Variants in SERPINB5 observed in about 807,000 individuals in gnomAD.
SERPINB5 encodes serpin family B member 5, also known as serpin B5.
SERPINB5 carries 27 observed loss-of-function variants against 32.2 expected under a neutral mutation model. The observed-to-expected ratio is 0.84, with a 90% confidence interval of 0.62 to 1.16. The LOEUF is 1.16. Ranked by LOEUF, SERPINB5 falls within the 50% of genes most tolerant of loss-of-function variation. SERPINB5 has a pLI of 0.00. For missense variants in SERPINB5, 388 were observed against 436.3 expected (o/e 0.89, Z 0.99); for synonymous variants, 154 against 157.4 (o/e 0.98, Z 0.16).
rs1349828383 is a variant in SERPINB5 at position 63,498,332 on chromosome 18, C to T, written c.568-788C>T. Among the ~76,000 whole-genome samples the T allele has an allele frequency of 2.0e-5, 3 of 152,120 alleles. No homozygotes were observed. The highest frequency in any genetic ancestry group is 4.1e-4 in the South Asian group (2 of 4,824). Reference sequence around the variant, plus strand: ...TCTTGAACTCCTGACCTCAAGTGGTCTCCCAAGGTGCAGGATTACAGGCAT... The same window carrying T: ...TCTTGAACTCCTGACCTCAAGTGGTTTCCCAAGGTGCAGGATTACAGGCAT... On this transcript the variant is annotated intron_variant, in intron 5 of 6. Transcript: ENST00000382771. This position sits in a 1 kb window ranked among gnomAD's most constrained non-coding sequence, Gnocchi z 4.2.
chr18:63,504,126 G>A lies in SERPINB5; in HGVS notation c.*404G>A, dbSNP rs73468519. 3,002 of 198,682 alleles carry A rather than the reference G, an allele frequency of 0.015. 87 individuals carry two copies. The highest frequency in any genetic ancestry group is 0.066 in the African/African-American group (2,753 of 41,802). 12.3% of individuals were successfully genotyped at this position (198,682 alleles called of 1,614,324 possible). ...GATAGAGAATGTTCCAGACATTCTC[G>A]CTTCCCTGAAAGACTGAAGAAAGTG... On this transcript the variant is annotated 3_prime_UTR_variant, in exon 7 of 7. Coordinates refer to ENST00000382771, the MANE Select transcript of SERPINB5 (RefSeq NM_002639.5).
Position 63,499,178 on chromosome 18 carries a change from T to C in SERPINB5, c.626T>C (p.Ile209Thr). Residue 209 changes from isoleucine (I) to threonine (T), a missense_variant, in exon 6 of 7, where the codon ATT (isoleucine) becomes ACT (threonine). Coordinates refer to ENST00000382771, the MANE Select transcript of SERPINB5 (RefSeq NM_002639.5). ...GAGGCCACGTTCTGTATGGGAAACA[T>C]TGACAGTATCAATTGTAAGATCATA... Reference protein sequence around the residue: ...NMEATFCMGNIDSINCKIIEL... With the variant: ...NMEATFCMGNTDSINCKIIEL... 2 of 1,601,766 alleles carry C rather than the reference T, an allele frequency of 1.2e-6. No homozygotes were observed. The highest frequency in any genetic ancestry group is 2.3e-5 in the East Asian group (1 of 43,794).
intron 3 of SERPINB5, among the ~76,000 whole-genome samples, chr18:63,488,141 C>A (rs530944248): frequency 1.3e-5 from 2 of 152,150 alleles, no homozygotes; most frequent in Non-Finnish European, 1.5e-5. Flanking sequence ...AATGGAGGCC[C>A]TCCTTCATCT....
At chr18:63,499,800 CTT>C (rs1909533856) in intron 6 of SERPINB5, among the ~76,000 whole-genome samples, 1 of 151,996 alleles carries the variant, frequency 6.6e-6, no homozygotes, top group African/African-American at 2.4e-5. Flanking sequence ...CATCCTCTCT[CTT>C]GCTCTTTCTT....
rs1599396093 is a variant in SERPINB5 at position 63,503,883 on chromosome 18, C to T, written c.*161C>T. The T allele has an allele frequency of 2.9e-5, 15 of 523,116 alleles. No individual in the cohort carries two copies. Among genetic ancestry groups the T allele is most frequent in the South Asian group, 2.5e-4 (9 of 36,290 alleles). The allele number at this position is 523,116 out of a possible 1,614,324, so 32.4% of individuals were successfully genotyped here. On this transcript the variant is annotated 3_prime_UTR_variant, in exon 7 of 7. Coordinates refer to ENST00000382771, the MANE Select transcript of SERPINB5 (RefSeq NM_002639.5). ...ATATGTAGCCTTCACACAGATAGAC[C>T]TTTTTTTTTTTTCCAATTCTATCTT... is the stretch of plus-strand genomic sequence containing the variant.
Position 63,497,652 on chromosome 18 carries a change from C to T in SERPINB5, c.568-1468C>T, listed in dbSNP as rs189176612. ...CAGAAAATGATAGAGAATAATAAAA[C>T]GAACACCCATATACCGATCAATCAT... On this transcript the variant is annotated intron_variant, in intron 5 of 6. Transcript: ENST00000382771. 4.5e-4 allele frequency among the ~76,000 whole-genome samples: 68 copies of T among 152,190 alleles called. No homozygotes were observed. In the East Asian group the frequency reaches 8.3e-3, roughly 19 times the overall value.
Position 63,493,022 on chromosome 18 carries a change from C to T in SERPINB5, c.494C>T (p.Ala165Val), listed in dbSNP as rs1568110697. The T allele has an allele frequency of 1.2e-6, 2 of 1,614,198 alleles. No homozygotes were observed. The highest frequency in any genetic ancestry group is 1.7e-5 in the Admixed American group (1 of 60,026). Reference sequence around the variant, plus strand: ...ACCAAAATCCTTGTGGTTAATGCTGCCTACTTTGTTGGCAAGTGGATGAAG... The same window carrying T: ...ACCAAAATCCTTGTGGTTAATGCTGTCTACTTTGTTGGCAAGTGGATGAAG... Reference protein sequence around the residue: ...DQTKILVVNAAYFVGKWMKKF... With the variant: ...DQTKILVVNAVYFVGKWMKKF... The change falls in exon 5 of 7, where the codon GCC becomes GTC. Residue 165 changes from alanine to valine, a missense_variant. Transcript: ENST00000382771.
intron 4 of SERPINB5, 121 bp downstream of exon 4, chr18:63,489,585 C>A: frequency 1.5e-6 from 1 of 656,896 alleles, no homozygotes. Context: ...TTTTACTACA[C>A]AAGCTAAATT....
chr18:63,493,274 C>T (rs936345597), intron 5 of SERPINB5, 179 bp downstream of exon 5: 4 of 725,400 alleles, frequency 5.5e-6, no homozygotes, highest in Non-Finnish European at 9.5e-6. Context: ...AATCCAGAGG[C>T]CCCCCCTCCT....
chr18:63,477,325 G>A (rs1917052346), intron 1 of SERPINB5: 1 of 152,166 alleles, frequency 6.6e-6, no homozygotes, highest in South Asian at 2.1e-4. Flanking sequence ...TGGCTCGGAG[G>A]TTTTGGTGGT....
intron 2 of SERPINB5, 26 bp from the exon 3 acceptor site, chr18:63,486,920 T>C (rs1244663406): frequency 1.2e-6 from 2 of 1,612,228 alleles, no homozygotes; most frequent in East Asian, 2.2e-5. Flanking sequence ...CAATGCTTTT[T>C]GGGTAACGGA....
chr18:63,478,071 T>A (rs1277778281), intron 1 of SERPINB5, among the ~76,000 whole-genome samples: 3 of 152,118 alleles, frequency 2.0e-5, no homozygotes, highest in Non-Finnish European at 4.4e-5. Context: ...CCCTGTCAGT[T>A]AGTGTAAGTG....
chr18:63,478,774 T>TTTC (rs397958405), intron 1 of SERPINB5, among the ~76,000 whole-genome samples: 2 of 151,498 alleles, frequency 1.3e-5, no homozygotes, highest in Non-Finnish European at 2.9e-5. Context: ...TTTTTTTTTT[T>TTTC]CTTGAGATGG....
At position 63,484,665 on chromosome 18, in the gene SERPINB5, C is replaced by T. The variant is rs2292295; in HGVS notation, c.168+69C>T. ...TATTAGAACCCATAGGCAGTGCCTACGGAAAAAAGGAATGTAGACTTTGTG... is the reference window on the plus strand; with the variant it reads ...TATTAGAACCCATAGGCAGTGCCTATGGAAAAAAGGAATGTAGACTTTGTG... On this transcript the variant is annotated intron_variant, in intron 2 of 6. Transcript: ENST00000382771. 6,492 of 1,359,372 alleles carry T rather than the reference C, an allele frequency of 4.8e-3. 391 individuals carry two copies. The East Asian group carries it at 0.14, about 29-fold the overall frequency. The allele number at this position is 1,359,372 out of a possible 1,614,324, so 84.2% of individuals were successfully genotyped here.
intron 6 of SERPINB5, 128 bp from the exon 7 acceptor site, chr18:63,503,202 C>T (rs1909605020): frequency 6.7e-6 from 7 of 1,051,166 alleles, no homozygotes; most frequent in Non-Finnish European, 9.4e-6. Context: ...ACTTCTGGGC[C>T]ATCTTTGATG....
intron 4 of SERPINB5, among the ~76,000 whole-genome samples, chr18:63,490,230 G>T (rs142957170): frequency 1.3e-5 from 2 of 151,954 alleles, no homozygotes; most frequent in Non-Finnish European, 2.9e-5. Context: ...CGTAGTGTCA[G>T]CTTGTCCTCG....
chr18:63,495,388 C>T (rs772850039), intron 5 of SERPINB5, among the ~76,000 whole-genome samples: 8 of 152,226 alleles, frequency 5.3e-5, no homozygotes, highest in Non-Finnish European at 8.8e-5. Context: ...CTGGCCCTGA[C>T]GGCATCCACA....
chr18:63,479,425 A>G (rs879542957), intron 1 of SERPINB5, among the ~76,000 whole-genome samples: 2 of 152,036 alleles, frequency 1.3e-5, no homozygotes, highest in Non-Finnish European at 1.5e-5. Context: ...GCACGGCCCT[A>G]CCCCCAGCCC....
Position 63,503,883 on chromosome 18 carries a change from CT to C in SERPINB5, c.*173del, listed in dbSNP as rs35377797. 13,194 of 507,150 alleles carry C rather than the reference CT, an allele frequency of 0.026. 4 individuals carry two copies. The highest frequency in any genetic ancestry group is 0.06 in the South Asian group (2,070 of 34,438). 31.4% of individuals were successfully genotyped at this position (507,150 alleles called of 1,614,324 possible). ...ATATGTAGCCTTCACACAGATAGAC[CT>C]TTTTTTTTTTTCCAATTCTATCTTT... On this transcript the variant is annotated 3_prime_UTR_variant, in exon 7 of 7. Coordinates refer to ENST00000382771, the MANE Select transcript of SERPINB5 (RefSeq NM_002639.5).
Sources: gnomAD v4.1 joint callset for allele counts (sites outside exome capture counted in the v4.1 genomes callset) on GRCh38, gnomAD v4.1.1 for gene constraint, Gnocchi (gnomAD v3.1) non-coding constraint, MANE v1.5 for transcripts, NCBI Gene and HGNC (gene_info 2026-07-23, HGNC 2026-07-21) for gene names.